The following EXOC6B variants were observed in gnomAD, a reference collection of about 807,000 sequenced individuals.
EXOC6B encodes the protein exocyst complex component 6B.
Under a neutral mutation model 113.5 loss-of-function variants are expected in EXOC6B, and 54 were observed. That is an observed-to-expected ratio of 0.48 (90% CI 0.38 to 0.60). EXOC6B has a LOEUF of 0.60. EXOC6B is among the 20% of genes least tolerant of loss of function. The pLI is 0.00. For missense variants in EXOC6B, 797 were observed against 977.5 expected, an observed-to-expected ratio of 0.82 and a Z score of 2.46; for synonymous variants, 357 against 339.0, an observed-to-expected ratio of 1.05 and a Z score of -0.58.
intron 20 of EXOC6B, among the ~76,000 whole-genome samples, chr2:72,239,170 C>A (rs532188656): frequency 2.0e-5 from 3 of 152,212 alleles, no homozygotes; most frequent in Non-Finnish European, 4.4e-5. Flanking sequence ...GGATTATGAG[C>A]GTGAGCCACT....
chr2:72,638,889 C>T (rs995071911), intron 6 of EXOC6B, among the ~76,000 whole-genome samples: 2 of 152,286 alleles, frequency 1.3e-5, no homozygotes, highest in Non-Finnish European at 2.9e-5. Flanking sequence ...CAGACAGGGC[C>T]AGACCAACAT....
At chr2:72,355,890 A>C (rs2104961521) in intron 19 of EXOC6B, among the ~76,000 whole-genome samples, 1 of 152,278 alleles carries the variant, frequency 6.6e-6, no homozygotes, top group Middle Eastern at 3.4e-3. Context: ...ATGAAGTTTA[A>C]ATTTTTATTG....
rs1356961248 is a variant in EXOC6B, at chr2:72,177,921, T to C, written c.*1414A>G. The C allele has an allele frequency of 6.6e-6, 1 of 152,174 alleles. No individual in the cohort carries two copies. The highest frequency in any genetic ancestry group is 1.5e-5 in the Non-Finnish European group (1 of 68,036). 9.4% of individuals were successfully genotyped at this position (152,174 alleles called of 1,614,324 possible). On this transcript the variant is annotated 3_prime_UTR_variant, in exon 22 of 22. Transcript: ENST00000272427. ...ACTAGCCAGTAGCATCTTTCTGAAG[T>C]GTCTTAAAGTACAGTTTCCCCCGAC...
intron 18 of EXOC6B, among the ~76,000 whole-genome samples, chr2:72,437,335 C>A (rs1695941316): frequency 6.6e-6 from 1 of 152,226 alleles, no homozygotes; most frequent in African/African-American, 2.4e-5. Flanking sequence ...TGCCTGTCAA[C>A]CCCTGCTGGG....
intron 7 of EXOC6B, among the ~76,000 whole-genome samples, chr2:72,567,973 C>T (rs1050807257): frequency 5.9e-5 from 9 of 151,944 alleles, no homozygotes; most frequent in African/African-American, 2.2e-4. Context: ...AGTTCTAAAA[C>T]CAGTGGGTAA....
intron 6 of EXOC6B, among the ~76,000 whole-genome samples, chr2:72,711,772 G>T (rs992359959): frequency 2.6e-5 from 4 of 152,012 alleles, no homozygotes; most frequent in Admixed American, 1.3e-4. Context: ...TAACCAAGAG[G>T]GTTACTAAGT....
At chr2:72,730,388 G>C (rs1680559680) in intron 5 of EXOC6B, among the ~76,000 whole-genome samples, 1 of 152,100 alleles carries the variant, frequency 6.6e-6, no homozygotes, top group Non-Finnish European at 1.5e-5. Context: ...TAGGAAAAAG[G>C]CTGACTGTGC....
At chr2:72,253,234 T>TA (rs777965874) in intron 20 of EXOC6B, among the ~76,000 whole-genome samples, 7 of 152,194 alleles carry the variant, frequency 4.6e-5, no homozygotes, top group Non-Finnish European at 7.4e-5. Flanking sequence ...GAAATGCTTA[T>TA]ACACTGCTGG....
At chr2:72,330,816 T>C (rs761335565) in intron 20 of EXOC6B, among the ~76,000 whole-genome samples, 25 of 152,082 alleles carry the variant, frequency 1.6e-4, no homozygotes, top group Non-Finnish European at 2.9e-4. Flanking sequence ...GCTCCAAGTG[T>C]AGGCTTCAAG....
rs1012172497 is a variant in EXOC6B, at chr2:72,649,868, C to CA, written c.669+68234dup. 7.2e-4 allele frequency among the ~76,000 whole-genome samples: 106 copies of CA among 146,288 alleles called. 1 individual carries two copies. The highest frequency in any genetic ancestry group is 1.6e-3 in the African/African-American group (64 of 39,946). On this transcript the variant is annotated intron_variant, in intron 6 of 21. Transcript: ENST00000272427. ...GCTGGAGCAATTTCATAAACATAAG[C>CA]AAAAAAAAAATGAACCTCAATCTAA... is the stretch of plus-strand genomic sequence containing the variant.
intron 20 of EXOC6B, among the ~76,000 whole-genome samples, chr2:72,222,489 G>A (rs1045460237): frequency 1.3e-5 from 2 of 152,170 alleles, no homozygotes; most frequent in Non-Finnish European, 2.9e-5. Context: ...TTGTATATTT[G>A]AGTGTCACTG....
At chr2:72,570,215 G>A (rs532687655) in intron 7 of EXOC6B, among the ~76,000 whole-genome samples, 1 of 152,270 alleles carries the variant, frequency 6.6e-6, no homozygotes, top group Admixed American at 6.5e-5. Context: ...TGAGGATACG[G>A]CTAGAAGGCA....
chr2:72,487,641 G>A (rs562560222), intron 16 of EXOC6B, among the ~76,000 whole-genome samples: 59 of 152,250 alleles, frequency 3.9e-4, no homozygotes, highest in Non-Finnish European at 7.5e-4. Flanking sequence ...TCACAGGCGT[G>A]AGCCACTGTG....
At chr2:72,501,263 C>T (rs1700306962) in intron 11 of EXOC6B, among the ~76,000 whole-genome samples, 1 of 152,100 alleles carries the variant, frequency 6.6e-6, no homozygotes, top group East Asian at 1.9e-4. Flanking sequence ...TAGCCCAGTG[C>T]CCTCCCCTGA....
At position 72,817,473 on chromosome 2, in the gene EXOC6B, T is replaced by G. The variant is rs139742333; in HGVS notation, c.113+8325A>C. Reference sequence around the variant, plus strand: ...GATAATTAACAGTTGGTGATACAATTTTTTAATTCTTCTATTCGTTCAACA... The same window carrying G: ...GATAATTAACAGTTGGTGATACAATGTTTTAATTCTTCTATTCGTTCAACA... On this transcript the variant is annotated intron_variant, in intron 1 of 21. Transcript: ENST00000272427. 1.3e-3 allele frequency among the ~76,000 whole-genome samples: 191 copies of G among 152,348 alleles called. 1 individual carries two copies. Among genetic ancestry groups the G allele is most frequent in the African/African-American group, 4.4e-3 (185 of 41,578 alleles).
At chr2:72,742,229 G>C (rs1681365018) in intron 1 of EXOC6B, among the ~76,000 whole-genome samples, 1 of 152,094 alleles carries the variant, frequency 6.6e-6, no homozygotes, top group South Asian at 2.1e-4. Flanking sequence ...TTTTATTCCT[G>C]CAAGTTTTCC....
At chr2:72,507,262 A>G (rs1415912582) in intron 11 of EXOC6B, among the ~76,000 whole-genome samples, 1 of 152,104 alleles carries the variant, frequency 6.6e-6, no homozygotes, top group Admixed American at 6.5e-5. Flanking sequence ...GGGTACTACT[A>G]ATAAAATAAA....
At position 72,458,286 on chromosome 2, in the gene EXOC6B, C is replaced by T. The variant is rs1030533839; in HGVS notation, c.1980+6874G>A. On this transcript the variant is annotated intron_variant, in intron 18 of 21. Coordinates refer to ENST00000272427, the MANE Select transcript of EXOC6B (RefSeq NM_015189.3). ...TTCTTTCTCGAATAATGCCCGAAGGCAAATCTTAGACACAGCTCTGTTTTG... is the reference window on the plus strand; with the variant it reads ...TTCTTTCTCGAATAATGCCCGAAGGTAAATCTTAGACACAGCTCTGTTTTG... Among the ~76,000 whole-genome samples, 12 of 152,114 alleles carry T rather than the reference C, an allele frequency of 7.9e-5. 1 individual carries two copies. The highest frequency in any genetic ancestry group is 2.9e-4 in the African/African-American group (12 of 41,432).
intron 17 of EXOC6B, among the ~76,000 whole-genome samples, chr2:72,472,854 T>C (rs1698494908): frequency 6.6e-6 from 1 of 152,196 alleles, no homozygotes; most frequent in South Asian, 2.1e-4. Context: ...TTTTGTTGTG[T>C]CCCACAGGTT....
Sources: allele counts gnomAD v4.1 joint callset (sites outside exome capture counted in the v4.1 genomes callset), GRCh38; gene constraint gnomAD v4.1.1; transcripts MANE v1.5; gene names NCBI Gene and HGNC (gene_info 2026-07-23, HGNC 2026-07-21).